IQCM: variants seen among roughly 807,000 people sequenced by gnomAD.
The protein encoded by IQCM is IQ domain-containing protein M.
In IQCM, 45 loss-of-function variants were observed where a neutral mutation model predicts 57.6. The observed-to-expected ratio is 0.78, with a 90% CI of 0.62 to 1.00. The LOEUF (loss-of-function observed/expected upper bound fraction) is 1.00. Ranked by LOEUF, IQCM falls within the 50% of genes least tolerant of loss-of-function variation. The pLI, the probability that IQCM is intolerant of heterozygous loss-of-function variation, is 0.00. For synonymous variants in IQCM, 148 were observed against 158.9 expected (o/e 0.93, Z 0.51); for missense variants, 468 against 511.6 (o/e 0.91, Z 0.82).
intron 9 of IQCM, among the ~76,000 whole-genome samples, chr4:149,572,745 A>C (rs1463400178): frequency 6.6e-6 from 1 of 152,068 alleles, no homozygotes; most frequent in Non-Finnish European, 1.5e-5. Context: ...AATAATTAGA[A>C]ACATACATAT....
intron 12 of IQCM, among the ~76,000 whole-genome samples, chr4:149,461,916 G>T (rs575362273): frequency 6.6e-6 from 1 of 152,024 alleles, no homozygotes; most frequent in Non-Finnish European, 1.5e-5. Context: ...TATTAGAAAA[G>T]ATTGAATTTT....
At chr4:149,534,718 T>C (rs1056554757) in intron 12 of IQCM, among the ~76,000 whole-genome samples, 2 of 152,098 alleles carry the variant, frequency 1.3e-5, no homozygotes, top group Admixed American at 6.6e-5. Context: ...TAAGTCAGCA[T>C]GGTTTATAAA....
At chr4:149,635,107 A>G (rs1252674970) in intron 7 of IQCM, among the ~76,000 whole-genome samples, 1 of 152,228 alleles carries the variant, frequency 6.6e-6, no homozygotes, top group Non-Finnish European at 1.5e-5. Flanking sequence ...ACATCTATTC[A>G]TGAGGAAAAG....
rs367994382 is a variant in IQCM, at chr4:149,419,844, C to T, written c.1390+13552G>A. 7.2e-5 allele frequency among the ~76,000 whole-genome samples: 11 copies of T among 152,094 alleles called. No homozygotes were observed. The East Asian group carries it at 1.2e-3, about 16-fold the overall frequency. Reference sequence around the variant, plus strand: ...AAAGTGGGCAAAGGATGTGAACAGACACTCCTCAAAAGAAGACATTGACAT... The same window carrying T: ...AAAGTGGGCAAAGGATGTGAACAGATACTCCTCAAAAGAAGACATTGACAT... On this transcript the variant is annotated intron_variant, in intron 13 of 13. Coordinates refer to ENST00000636793, the MANE Select transcript of IQCM (RefSeq NM_001363507.2).
chr4:149,632,227 G>C (rs1757328863), intron 7 of IQCM, among the ~76,000 whole-genome samples: 1 of 152,184 alleles, frequency 6.6e-6, no homozygotes, highest in Non-Finnish European at 1.5e-5. Flanking sequence ...GTTTTGTAAA[G>C]AAACAGACCT....
At chr4:149,740,516 A>G (rs959050859) in intron 3 of IQCM, among the ~76,000 whole-genome samples, 1 of 152,174 alleles carries the variant, frequency 6.6e-6, no homozygotes, top group Non-Finnish European at 1.5e-5. Flanking sequence ...GCACTAATGT[A>G]TGAATTTCCC....
chr4:149,456,631 T>C (rs1233509526), intron 12 of IQCM, among the ~76,000 whole-genome samples: 2 of 152,034 alleles, frequency 1.3e-5, no homozygotes, highest in East Asian at 1.9e-4. Flanking sequence ...TCTCAAAAAG[T>C]TTTTAATTTG....
At chr4:149,479,450 C>T (rs955926732) in intron 12 of IQCM, among the ~76,000 whole-genome samples, 27 of 152,154 alleles carry the variant, frequency 1.8e-4, no homozygotes, top group Admixed American at 1.6e-3. Context: ...AGTAACTGTT[C>T]TAGGGGCTTG....
intron 8 of IQCM, among the ~76,000 whole-genome samples, chr4:149,606,450 G>A (rs766124013): frequency 6.6e-6 from 1 of 152,052 alleles, no homozygotes; most frequent in African/African-American, 2.4e-5. Flanking sequence ...ATACAAACAA[G>A]CCCAAACCAC....
intron 13 of IQCM, among the ~76,000 whole-genome samples, chr4:149,414,627 C>T (rs992649139): frequency 6.6e-6 from 1 of 150,586 alleles, no homozygotes; most frequent in African/African-American, 2.5e-5. Context: ...TTTTAAGTGC[C>T]CCCATGATAA....
At chr4:149,525,020 T>A (rs1746021091) in intron 12 of IQCM, among the ~76,000 whole-genome samples, 2 of 151,850 alleles carry the variant, frequency 1.3e-5, no homozygotes, top group Admixed American at 1.3e-4. Context: ...GGATCAATGA[T>A]TTTCCTTTCA....
chr4:149,364,534 G>A (rs1279364174), intron 13 of IQCM, among the ~76,000 whole-genome samples: 2 of 152,070 alleles, frequency 1.3e-5, no homozygotes, highest in Admixed American at 1.3e-4. Context: ...CTAAGGTCCA[G>A]GTGGCATGAT....
At chr4:149,707,847 G>C (rs935059362) in intron 5 of IQCM, among the ~76,000 whole-genome samples, 4 of 151,954 alleles carry the variant, frequency 2.6e-5, no homozygotes, top group African/African-American at 9.7e-5. Context: ...CCTATGGAGA[G>C]GCTTAGTAAA....
intron 5 of IQCM, among the ~76,000 whole-genome samples, chr4:149,714,381 C>T (rs1203634523): frequency 6.6e-6 from 1 of 152,190 alleles, no homozygotes; most frequent in East Asian, 1.9e-4. Context: ...AGTCTCATGG[C>T]ATTAACTACC....
chr4:149,775,909 AG>A (rs540284831), intron 2 of IQCM, among the ~76,000 whole-genome samples: 267 of 152,326 alleles, frequency 1.8e-3, no homozygotes, highest in Non-Finnish European at 2.8e-3. Flanking sequence ...GTCCTCAGTC[AG>A]TTTTCAATCT....
intron 8 of IQCM, among the ~76,000 whole-genome samples, chr4:149,603,865 C>T (rs1754540159): frequency 6.6e-6 from 1 of 152,018 alleles, no homozygotes; most frequent in Non-Finnish European, 1.5e-5. Flanking sequence ...AATATTATAG[C>T]TGTGTTTTTC....
chr4:149,436,903 T>C (rs1735416868), intron 12 of IQCM, among the ~76,000 whole-genome samples: 1 of 152,150 alleles, frequency 6.6e-6, no homozygotes, highest in Non-Finnish European at 1.5e-5. Flanking sequence ...GAGAGCTTAG[T>C]ATACAACAGG....
At position 149,389,675 on chromosome 4, in the gene IQCM, G is replaced by A. The variant is rs572188959; in HGVS notation, c.1391-37609C>T. Among the ~76,000 whole-genome samples, 273 of 148,432 alleles carry A rather than the reference G, an allele frequency of 1.8e-3. 3 individuals carry two copies. The highest frequency in any genetic ancestry group is 6.5e-3 in the African/African-American group (261 of 40,360). ...CAGAACAATGAGAACACATGGACACGGGAAGGGGAACATCACACTCTGGGG... is the reference window on the plus strand; with the variant it reads ...CAGAACAATGAGAACACATGGACACAGGAAGGGGAACATCACACTCTGGGG... On this transcript the variant is annotated intron_variant, in intron 13 of 13. Transcript: ENST00000636793.
At chr4:149,493,114 A>G (rs1416735348) in intron 12 of IQCM, among the ~76,000 whole-genome samples, 1 of 152,152 alleles carries the variant, frequency 6.6e-6, no homozygotes, top group Non-Finnish European at 1.5e-5. Context: ...AGGATCACCC[A>G]TGATCCCCAA....
Sources: gnomAD v4.1 joint callset for allele counts (sites outside exome capture counted in the v4.1 genomes callset) on GRCh38, gnomAD v4.1.1 for gene constraint, MANE v1.5 for transcripts, NCBI Gene and HGNC (gene_info 2026-07-23, HGNC 2026-07-21) for gene names.